ST7L: variants seen among roughly 807,000 people sequenced by gnomAD.
The protein encoded by ST7L is suppression of tumorigenicity 7 like, also known as suppressor of tumorigenicity 7 protein-like.
In ST7L, 57 loss-of-function variants were observed where a neutral mutation model predicts 72.5. That is an observed-to-expected ratio of 0.79 (90% CI 0.64 to 0.98). ST7L has a LOEUF of 0.98. ST7L is among the 50% of genes least tolerant of loss of function. The pLI, the probability that ST7L is intolerant of heterozygous loss-of-function variation, is 0.00. For synonymous variants in ST7L, 221 were observed against 240.9 expected (o/e 0.92, Z 0.77); for missense variants, 576 against 672.2 (o/e 0.86, Z 1.58).
chr1:112,604,046 G>A (rs1238883034), intron 3 of ST7L, among the ~76,000 whole-genome samples: 3 of 152,080 alleles, frequency 2.0e-5, no homozygotes, highest in South Asian at 2.1e-4. Flanking sequence ...AGTGGCTCAC[G>A]CCTGTAATCC....
intron 11 of ST7L, among the ~76,000 whole-genome samples, chr1:112,570,255 T>C (rs1661847442): frequency 6.6e-6 from 1 of 152,056 alleles, no homozygotes; most frequent in Non-Finnish European, 1.5e-5. Context: ...TCAGTTACTA[T>C]ACACTGAAAT....
chr1:112,540,276 A>G, intron 14 of ST7L: 1 of 985,376 alleles, frequency 1.0e-6, no homozygotes, highest in Non-Finnish European at 1.2e-6. Context: ...CTTGCCTGTG[A>G]TCTCACATAC....
chr1:112,545,517 A>G (rs1442947014), intron 13 of ST7L, among the ~76,000 whole-genome samples: 2 of 152,224 alleles, frequency 1.3e-5, no homozygotes, highest in Non-Finnish European at 2.9e-5. Flanking sequence ...TAAAATGGAA[A>G]GACAACAAGA....
intron 11 of ST7L, among the ~76,000 whole-genome samples, chr1:112,574,231 T>A (rs991398850): frequency 1.4e-5 from 2 of 147,052 alleles, no homozygotes; most frequent in East Asian, 2.1e-4. Context: ...TTTTTTTTTT[T>A]AATGAGACAG....
intron 14 of ST7L, among the ~76,000 whole-genome samples, chr1:112,534,578 T>C (rs1654886230): frequency 6.6e-6 from 1 of 152,170 alleles, no homozygotes; most frequent in Non-Finnish European, 1.5e-5. Context: ...ATTTGATTGG[T>C]AGGGGAAGGG....
chr1:112,576,251 A>G (rs1663085798), intron 11 of ST7L, among the ~76,000 whole-genome samples: 1 of 152,052 alleles, frequency 6.6e-6, no homozygotes, highest in South Asian at 2.1e-4. Flanking sequence ...CACCACACTC[A>G]GATAATTTTT....
chr1:112,520,794 A>T, downstream of ST7L: 1 of 462,166 alleles, frequency 2.2e-6, no homozygotes, highest in African/African-American at 1.9e-5. Context: ...AATGAGTTGC[A>T]CTAAAGTACG....
chr1:112,586,078 C>A (rs1664830515), intron 6 of ST7L, among the ~76,000 whole-genome samples: 1 of 152,194 alleles, frequency 6.6e-6, no homozygotes, highest in Non-Finnish European at 1.5e-5. Flanking sequence ...ACAAAGATTT[C>A]TCCATTACAT....
intron 13 of ST7L, among the ~76,000 whole-genome samples, chr1:112,549,179 C>A (rs1287435291): frequency 6.6e-6 from 1 of 152,022 alleles, no homozygotes; most frequent in East Asian, 1.9e-4. Flanking sequence ...GATTGCTTGA[C>A]CCCAGGAGTT....
At chr1:112,526,168 C>G in intron 14 of ST7L, 57 bp from the exon 15 acceptor site, 1 of 1,609,746 alleles carries the variant, frequency 6.2e-7, no homozygotes, top group African/African-American at 1.3e-5. Flanking sequence ...CCAGGACAGC[C>G]AAGAGAGTAT....
chr1:112,554,460 C>T (rs2101588940), intron 12 of ST7L, among the ~76,000 whole-genome samples: 1 of 152,104 alleles, frequency 6.6e-6, no homozygotes, highest in South Asian at 2.1e-4. Flanking sequence ...AAAGAAAAAT[C>T]CCAGAAAATA....
At chr1:112,532,993 T>C (rs1325989270) in intron 14 of ST7L, among the ~76,000 whole-genome samples, 2 of 152,246 alleles carry the variant, frequency 1.3e-5, no homozygotes, top group Non-Finnish European at 2.9e-5. Flanking sequence ...GTTCAGTTTA[T>C]CTTTCCCCTA....
intron 3 of ST7L, chr1:112,610,305 G>A (rs1408612289): frequency 6.6e-6 from 1 of 152,222 alleles, no homozygotes; most frequent in Non-Finnish European, 1.5e-5. Flanking sequence ...AACTACATTT[G>A]GAGATGGCAG....
At chr1:112,609,603 C>T (rs1294900957) in intron 3 of ST7L, among the ~76,000 whole-genome samples, 3 of 151,714 alleles carry the variant, frequency 2.0e-5, no homozygotes, top group Non-Finnish European at 4.4e-5. Flanking sequence ...GTGGGCAGAT[C>T]ATGAGGTCAA....
chr1:112,575,284 T>C (rs1662927990), intron 11 of ST7L, among the ~76,000 whole-genome samples: 1 of 152,172 alleles, frequency 6.6e-6, no homozygotes, highest in Non-Finnish European at 1.5e-5. Context: ...TCAGTACATA[T>C]GTTTTAAGAC....
At chr1:112,521,666 A>G (rs548556077), downstream of ST7L, 3 of 152,152 alleles carry the variant, frequency 2.0e-5, no homozygotes, top group African/African-American at 7.2e-5. Context: ...TGACTCTCCA[A>G]GTCCTAGTGA....
Position 112,538,472 on chromosome 1 carries a change from A to G in ST7L, c.1629+3479T>C, listed in dbSNP as rs188899246. Reference sequence around the variant, plus strand: ...ATCCTCCCATTTTAGCCCCCTGAATAGCTGGGACCACAGGTGCACACCACC... The same window carrying G: ...ATCCTCCCATTTTAGCCCCCTGAATGGCTGGGACCACAGGTGCACACCACC... On this transcript the variant is annotated intron_variant, in intron 14 of 14. Coordinates refer to ENST00000358039, the MANE Select transcript of ST7L (RefSeq NM_017744.5). Among the ~76,000 whole-genome samples the G allele has an allele frequency of 4.6e-5, 7 of 152,232 alleles. No homozygotes were observed. In the East Asian group the frequency reaches 1.3e-3, roughly 29 times the overall value.
intron 3 of ST7L, among the ~76,000 whole-genome samples, chr1:112,606,453 C>T (rs1668258055): frequency 6.6e-6 from 1 of 152,172 alleles, no homozygotes; most frequent in Admixed American, 6.5e-5. Context: ...GACCACCTTT[C>T]CTCCAGTTAC....
At chr1:112,568,495 C>G (rs1037844753) in intron 11 of ST7L, among the ~76,000 whole-genome samples, 1 of 151,364 alleles carries the variant, frequency 6.6e-6, no homozygotes, top group Non-Finnish European at 1.5e-5. Context: ...CACCACCATG[C>G]CTGGCTAATT....
Sources: gnomAD v4.1 joint callset for allele counts (sites outside exome capture counted in the v4.1 genomes callset) on GRCh38, gnomAD v4.1.1 for gene constraint, MANE v1.5 for transcripts, NCBI Gene and HGNC (gene_info 2026-07-23, HGNC 2026-07-21) for gene names.